The following NOXA1 variants were observed in gnomAD, a reference collection of about 807,000 sequenced individuals.
NOXA1 encodes NCF2-like protein.
A neutral mutation model predicts 64.8 loss-of-function variants in NOXA1; 56 were observed. That is an observed-to-expected ratio of 0.86 (90% CI 0.70 to 1.08). The LOEUF (loss-of-function observed/expected upper bound fraction) is 1.08. Ranked by LOEUF, NOXA1 falls within the 50% of genes least tolerant of loss-of-function variation. The pLI, the probability that NOXA1 is intolerant of heterozygous loss-of-function variation, is 0.00. For synonymous variants in NOXA1, 295 were observed against 294.8 expected (o/e 1.00, Z -0.01); for missense variants, 668 against 658.5 (o/e 1.01, Z -0.16).
At chr9:137,429,812 G>A (rs1296923509) in intron 5 of NOXA1, among the ~76,000 whole-genome samples, 3 of 131,430 alleles carry the variant, frequency 2.3e-5, no homozygotes, top group African/African-American at 8.5e-5. Flanking sequence ...GAGGTCCCGG[G>A]GGGGTCCCTG....
chr9:137,432,505 A>G (rs1839152108), intron 8 of NOXA1, among the ~76,000 whole-genome samples: 1 of 151,854 alleles, frequency 6.6e-6, no homozygotes, highest in Non-Finnish European at 1.5e-5. Flanking sequence ...GCGTGAACCC[A>G]GGAGGCGGAG....
chr9:137,430,834 G>C lies in NOXA1; in HGVS notation c.663G>C (p.Gln221His), dbSNP rs1839078881. ...PDDQGWGVRP[Q>H]QPQGPGANHD... is the part of the protein sequence containing the mutation. The stretch of plus-strand genomic sequence containing the variant: ...ACCAGGGCTGGGGCGTCCGCCCTCA[G>C]CAGCCACAGGTGGGTTTGCGGCCCC... The change falls in exon 6 of 14, where the codon CAG (glutamine) becomes CAC (histidine). Residue 221 changes from glutamine to histidine, a missense_variant. By Grantham distance (24) the Gln-to-His change is conservative. Transcript: ENST00000683555. 1.9e-6 allele frequency: 3 copies of C among 1,587,570 alleles called. No homozygotes were observed. Among genetic ancestry groups the C allele is most frequent in the African/African-American group, 2.7e-5 (2 of 74,294 alleles).
rs189599937 is a variant in NOXA1 at position 137,433,977 on chromosome 9, C to G, written c.1192C>G (p.Arg398Gly). 1,502 of 1,549,106 alleles carry G rather than the reference C, an allele frequency of 9.7e-4. 1 individual carries two copies. Among genetic ancestry groups the G allele is most frequent in the Non-Finnish European group, 1.2e-3 (1,398 of 1,149,902 alleles). The change falls in exon 13 of 14, where the codon CGG becomes GGG. Residue 398 changes from arginine (R) to glycine (G), a missense_variant. Physicochemically the swap from Arg to Gly is moderately radical, Grantham distance 125. Transcript: ENST00000683555. ...LQLQCRGAGG[R>G]PVLYQVVAQH... ...TCTCCTGCCTCAGGGAGCCGGGGGT[C>G]GGCCGGTCCTCTACCAGGTGGTGGC...
At chr9:137,434,172 C>G (rs371449883) in intron 13 of NOXA1, 52 bp from the exon 14 acceptor site, 2 of 1,582,634 alleles carry the variant, frequency 1.3e-6, no homozygotes, top group Non-Finnish European at 1.7e-6. Flanking sequence ...GACGTGGCAC[C>G]CAGAGGCCAC....
rs1328424481 is a variant in NOXA1 at position 137,434,206 on chromosome 9, C to T, written c.1295-18C>T. 1 of 1,602,358 alleles carries T rather than the reference C, an allele frequency of 6.2e-7. No homozygotes were observed. Among genetic ancestry groups the T allele is most frequent in the Admixed American group, 1.7e-5 (1 of 59,416 alleles). ...ACGCCTGGGTAACGCCCTGCAGAGCCCGATGTCCCCCTTGCAGTGGACCAG... is the reference window on the plus strand; with the variant it reads ...ACGCCTGGGTAACGCCCTGCAGAGCTCGATGTCCCCCTTGCAGTGGACCAG... On this transcript the variant is annotated intron_variant, in intron 13 of 13. Transcript: ENST00000683555.
At position 137,431,499 on chromosome 9, in the gene NOXA1, G is replaced by C. The variant is rs563132091; in HGVS notation, c.804+158G>C. On this transcript the variant is annotated intron_variant, in intron 8 of 13. Transcript: ENST00000683555. This position sits in a 1 kb window ranked among gnomAD's most constrained non-coding sequence, Gnocchi z 5.6. ...CCGTGGTCCTGGCCCAGCCCAGCCA[G>C]ATGGGAGGATGCCTGGCTGTGCCCG... Among the ~76,000 whole-genome samples the C allele has an allele frequency of 6.6e-6, 1 of 152,328 alleles. No homozygotes were observed. The highest frequency in any genetic ancestry group is 2.4e-5 in the African/African-American group (1 of 41,576).
Position 137,423,587 on chromosome 9 carries a change from C to G in NOXA1, c.58C>G (p.Arg20Gly), listed in dbSNP as rs781278322. 2 of 1,481,564 alleles carry G rather than the reference C, an allele frequency of 1.3e-6. No homozygotes were observed. Among genetic ancestry groups the G allele is most frequent in the African/African-American group, 2.9e-5 (2 of 69,134 alleles). 91.8% of individuals were successfully genotyped at this position (1,481,564 alleles called of 1,614,324 possible). A position where few individuals can be genotyped will look rare whatever the true frequency, so the allele number is the denominator to read the frequency against. The change falls in exon 1 of 14, where the codon CGT becomes GGT. Residue 20 changes from arginine to glycine, a missense_variant. Arg to Gly is a moderately radical substitution (Grantham distance 125). Transcript: ENST00000683555. ...AWHLGAQAVDRGDWARALHLF... is the reference protein window; with the variant it reads ...AWHLGAQAVDGGDWARALHLF... ...GCACCTGGGCGCGCAGGCTGTGGAT[C>G]GTGGGGACTGGGCCCGCGCCTTGCA...
intron 2 of NOXA1, among the ~76,000 whole-genome samples, chr9:137,427,084 A>C (rs988169694): frequency 6.6e-6 from 1 of 152,226 alleles, no homozygotes; most frequent in African/African-American, 2.4e-5. Context: ...GGAATGAGCC[A>C]CCTCGCCCAG....
chr9:137,429,531 C>G (rs1328828310), intron 5 of NOXA1, 148 bp downstream of exon 5: 3 of 615,584 alleles, frequency 4.9e-6, no homozygotes, highest in Non-Finnish European at 8.4e-6. Context: ...AACTGGCGCC[C>G]ACGGTAGGGG....
At chr9:137,426,115 G>A in intron 1 of NOXA1, 133 bp from the exon 2 acceptor site, 2 of 773,552 alleles carry the variant, frequency 2.6e-6, no homozygotes, top group Non-Finnish European at 4.4e-6. Flanking sequence ...TTCCTGGACA[G>A]GAGCAGGAGG....
intron 1 of NOXA1, 88 bp from the exon 2 acceptor site, chr9:137,426,160 C>A: frequency 8.2e-7 from 1 of 1,218,042 alleles, no homozygotes. Context: ...GACGGAATTC[C>A]GTGGCCCTGT....
At chr9:137,430,181 CT>C (rs1839044475) in intron 5 of NOXA1, among the ~76,000 whole-genome samples, 2 of 151,960 alleles carry the variant, frequency 1.3e-5, no homozygotes, top group Admixed American at 6.5e-5. Context: ...ATAGCAAGGT[CT>C]CACGGGGGCA....
At chr9:137,429,529 C>G (rs1229679660) in intron 5 of NOXA1, 146 bp downstream of exon 5, 1 of 619,002 alleles carries the variant, frequency 1.6e-6, no homozygotes, top group African/African-American at 1.9e-5. Context: ...CAAACTGGCG[C>G]CCACGGTAGG....
chr9:137,424,495 C>T (rs559660611), intron 1 of NOXA1, among the ~76,000 whole-genome samples: 41 of 152,256 alleles, frequency 2.7e-4, no homozygotes, highest in African/African-American at 8.9e-4. Flanking sequence ...AATGGAGTGC[C>T]GTGGCCCAAT....
chr9:137,431,152 A>T lies in NOXA1; in HGVS notation c.698+52A>T. 1 of 1,612,186 alleles carries T rather than the reference A, an allele frequency of 6.2e-7. No homozygotes were observed. The highest frequency in any genetic ancestry group is 8.5e-7 in the Non-Finnish European group (1 of 1,179,500). ...AGCGCGTGCCTTTCCTGCTGGGCAG[A>T]GGCCCTCCACATGGGGCCACGCGGG... On this transcript the variant is annotated intron_variant, in intron 7 of 13. Coordinates refer to ENST00000683555, the MANE Select transcript of NOXA1 (RefSeq NM_001256067.2). The surrounding 1 kb of genome is among the most constrained non-coding windows in gnomAD (Gnocchi z 5.6).
chr9:137,427,522 A>T (rs1009790010), intron 2 of NOXA1, among the ~76,000 whole-genome samples: 1 of 152,260 alleles, frequency 6.6e-6, no homozygotes, highest in African/African-American at 2.4e-5. Flanking sequence ...AGCATTCGGG[A>T]TTATGGCTGT....
chr9:137,433,893 G>A, intron 12 of NOXA1, 29 bp downstream of exon 12: 1 of 1,473,388 alleles, frequency 6.8e-7, no homozygotes, highest in South Asian at 1.3e-5. Flanking sequence ...AGGGGCAGGG[G>A]CACCCTGAGG....
chr9:137,423,637 G>T lies in NOXA1; in HGVS notation c.108G>T (p.Pro36=). 1 of 1,432,598 alleles carries T rather than the reference G, an allele frequency of 7.0e-7. No homozygotes were observed. Among genetic ancestry groups the T allele is most frequent in the Non-Finnish European group, 9.2e-7 (1 of 1,090,762 alleles). The allele number at this position is 1,432,598 out of a possible 1,614,324, so 88.7% of individuals were successfully genotyped here. ...ACCTCTTCTCGGGCGTCCCGGCGCC[G>T]CCCGCCAGGCTGTGCTTCAACGCGG... ...ALHLFSGVPA[P]PARLCFNAGC... The change falls in exon 1 of 14, where the codon CCG becomes CCT. Residue 36 remains proline, a synonymous_variant. Transcript: ENST00000683555.
At chr9:137,428,357 C>T (rs1398771825) in intron 3 of NOXA1, among the ~76,000 whole-genome samples, 2 of 152,032 alleles carry the variant, frequency 1.3e-5, no homozygotes, top group African/African-American at 4.8e-5. Flanking sequence ...GGTGGCTCCA[C>T]CCAGAAGGAG....
Sources: gnomAD v4.1 joint callset for allele counts (sites outside exome capture counted in the v4.1 genomes callset) on GRCh38, gnomAD v4.1.1 for gene constraint, Gnocchi (gnomAD v3.1) non-coding constraint, MANE v1.5 for transcripts, NCBI Gene and HGNC (gene_info 2026-07-23, HGNC 2026-07-21) for gene names.